IGF2BP1: variants seen among roughly 807,000 people sequenced by gnomAD.
The protein encoded by IGF2BP1 is insulin like growth factor 2 mRNA binding protein 1.
IGF2BP1 carries 11 observed loss-of-function variants against 74.9 expected under a neutral mutation model. That is an observed-to-expected ratio of 0.15 (90% confidence interval 0.09 to 0.24). The LOEUF is 0.24. IGF2BP1 is among the 10% of genes least tolerant of loss of function. IGF2BP1 has a pLI of 1.00. For missense variants in IGF2BP1, 440 were observed against 757.4 expected, an observed-to-expected ratio of 0.58 and a Z score of 4.92; for synonymous variants, 287 against 281.8, an observed-to-expected ratio of 1.02 and a Z score of -0.18.
At chr17:49,042,457 A>G in intron 9 of IGF2BP1, 80 bp downstream of exon 9, 1 of 1,506,122 alleles carries the variant, frequency 6.6e-7, no homozygotes, top group Non-Finnish European at 9.2e-7. Context: ...GGTGATGGAC[A>G]TGTGCCCTGT....
Position 49,044,993 on chromosome 17 carries a change from T to C in IGF2BP1, c.1323T>C (p.Ile441=), listed in dbSNP as rs1473840538. The C allele has an allele frequency of 1.2e-6, 2 of 1,614,078 alleles. No homozygotes were observed. Residue 441 remains isoleucine, a splice_region_variant and synonymous_variant, in exon 12 of 15, where the codon ATT becomes ATC. Transcript: ENST00000290341. ...LSRFASASIK[I]APPETPDSKV... Reference sequence around the variant, plus strand: ...TTGACTAGCTTTTTGCTTTTTAGATTGCACCACCCGAAACACCTGACTCCA... The same window carrying C: ...TTGACTAGCTTTTTGCTTTTTAGATCGCACCACCCGAAACACCTGACTCCA...
intron 2 of IGF2BP1, among the ~76,000 whole-genome samples, chr17:49,024,607 A>G (rs1312120194): frequency 6.6e-6 from 1 of 152,160 alleles, no homozygotes; most frequent in Non-Finnish European, 1.5e-5. Context: ...CCCTGTGGAA[A>G]GGTATTATCT....
intron 2 of IGF2BP1, among the ~76,000 whole-genome samples, chr17:49,005,415 T>C (rs1243903447): frequency 2.0e-5 from 3 of 152,160 alleles, no homozygotes; most frequent in Non-Finnish European, 4.4e-5. Flanking sequence ...AGCAAACAGC[T>C]CGATGATTAA....
chr17:49,009,196 T>C lies in IGF2BP1; in HGVS notation c.236+10027T>C, dbSNP rs371368294. On this transcript the variant is annotated intron_variant, in intron 2 of 14. Coordinates refer to ENST00000290341, the MANE Select transcript of IGF2BP1 (RefSeq NM_006546.4). Reference sequence around the variant, plus strand: ...GGTGTGCGCCAGCACCCCTGGCTAATTTTTGTATTTTTAGTGGAGATGGGG... The same window carrying C: ...GGTGTGCGCCAGCACCCCTGGCTAACTTTTGTATTTTTAGTGGAGATGGGG... Among the ~76,000 whole-genome samples, 9 of 151,894 alleles carry C rather than the reference T, an allele frequency of 5.9e-5. No homozygotes were observed. In the East Asian group the frequency reaches 1.6e-3, roughly 26 times the overall value.
In IGF2BP1 at chr17:48,997,625, G is replaced by T; in HGVS notation, c.-121G>T. On this transcript the variant is annotated 5_prime_UTR_variant, in exon 1 of 15. Transcript: ENST00000290341. The surrounding 1 kb of genome is among the most constrained non-coding windows in gnomAD (Gnocchi z 4.8). ...GGCTCGGGACAACTTCTGGGGTGGG[G>T]TGCAAAGAAAGTTTGCGGCTCCTGC... is the stretch of plus-strand genomic sequence containing the variant. The T allele has an allele frequency of 1.9e-6, 2 of 1,068,898 alleles. No homozygotes were observed. Among genetic ancestry groups the T allele is most frequent in the Non-Finnish European group, 2.7e-6 (2 of 742,100 alleles). The allele number at this position is 1,068,898 out of a possible 1,614,324, so 66.2% of individuals were successfully genotyped here.
intron 2 of IGF2BP1, among the ~76,000 whole-genome samples, chr17:49,022,537 C>T (rs774964443): frequency 1.4e-4 from 21 of 152,154 alleles, no homozygotes; most frequent in Admixed American, 3.3e-4. Context: ...GGGTGAGTCC[C>T]TGCTGGTTGG....
intron 4 of IGF2BP1, among the ~76,000 whole-genome samples, chr17:49,029,477 G>A (rs542447945): frequency 9.8e-5 from 15 of 152,304 alleles, no homozygotes; most frequent in African/African-American, 3.6e-4. Context: ...TCTTTGCACT[G>A]AAGTTTGTGA....
chr17:49,032,959 A>G (rs1237048806), intron 5 of IGF2BP1, among the ~76,000 whole-genome samples: 1 of 151,486 alleles, frequency 6.6e-6, no homozygotes, highest in Non-Finnish European at 1.5e-5. Flanking sequence ...GGGACTACAG[A>G]CATGCACCAT....
intron 14 of IGF2BP1, 24 bp from the exon 15 acceptor site, chr17:49,049,328 C>G (rs368317256): frequency 2.0e-5 from 32 of 1,611,328 alleles, no homozygotes; most frequent in South Asian, 5.5e-5. Flanking sequence ...CTCACACCCA[C>G]TCTCTTGCCT....
chr17:49,040,148 C>T (rs1275742911), intron 7 of IGF2BP1, 57 bp downstream of exon 7: 2 of 1,586,934 alleles, frequency 1.3e-6, no homozygotes, highest in Non-Finnish European at 1.7e-6. Flanking sequence ...TGAGCCTCCC[C>T]AACTCAACTT....
intron 9 of IGF2BP1, among the ~76,000 whole-genome samples, chr17:49,042,861 T>C (rs545744129): frequency 1.3e-5 from 2 of 152,176 alleles, no homozygotes; most frequent in African/African-American, 4.8e-5. Context: ...TAAAATTTTA[T>C]TTTTTGGAAA....
intron 10 of IGF2BP1, among the ~76,000 whole-genome samples, 198 bp downstream of exon 10, chr17:49,043,748 G>T (rs2042078668): frequency 6.6e-6 from 1 of 152,128 alleles, no homozygotes; most frequent in Admixed American, 6.5e-5. Context: ...AATGCTCCCG[G>T]GGCATAGACA....
intron 4 of IGF2BP1, among the ~76,000 whole-genome samples, chr17:49,030,504 G>A (rs1190626218): frequency 6.6e-6 from 1 of 152,186 alleles, no homozygotes; most frequent in Non-Finnish European, 1.5e-5. Flanking sequence ...TAGGCCTCTA[G>A]AATGGATTTA....
intron 2 of IGF2BP1, among the ~76,000 whole-genome samples, chr17:49,020,958 G>A (rs1436291372): frequency 7.4e-6 from 1 of 134,438 alleles, no homozygotes; most frequent in East Asian, 2.1e-4. Context: ...GTGAGGCCCC[G>A]TCTCTACAAA....
Position 49,044,999 on chromosome 17 carries a change from A to G in IGF2BP1, c.1329A>G (p.Pro443=). 1 of 1,613,994 alleles carries G rather than the reference A, an allele frequency of 6.2e-7. No homozygotes were observed. Among genetic ancestry groups the G allele is most frequent in the Non-Finnish European group, 8.5e-7 (1 of 1,179,948 alleles). ...AGCTTTTTGCTTTTTAGATTGCACCACCCGAAACACCTGACTCCAAAGTTC... is the reference window on the plus strand; with the variant it reads ...AGCTTTTTGCTTTTTAGATTGCACCGCCCGAAACACCTGACTCCAAAGTTC... ...RFASASIKIA[P]PETPDSKVRM... The change falls in exon 12 of 15, where the codon CCA becomes CCG. Residue 443 remains proline (P), a synonymous_variant. Transcript: ENST00000290341.
chr17:49,010,037 G>A (rs907927238), intron 2 of IGF2BP1, among the ~76,000 whole-genome samples: 14 of 150,996 alleles, frequency 9.3e-5, no homozygotes, highest in Non-Finnish European at 1.8e-4. Flanking sequence ...CCGAGATTGC[G>A]CCACTGCACT....
intron 2 of IGF2BP1, chr17:49,004,855 G>GA (rs2041530167): frequency 6.6e-6 from 1 of 152,138 alleles, no homozygotes; most frequent in Non-Finnish European, 1.5e-5. Flanking sequence ...CTGTACTCAA[G>GA]AAAGTGTATG....
chr17:49,013,266 C>A (rs910182079), intron 2 of IGF2BP1, among the ~76,000 whole-genome samples: 1 of 152,160 alleles, frequency 6.6e-6, no homozygotes, highest in Non-Finnish European at 1.5e-5. Context: ...AGTATGACTT[C>A]TATTGTGACT....
chr17:49,022,947 T>TGA (rs2041810369), intron 2 of IGF2BP1, among the ~76,000 whole-genome samples: 1 of 152,240 alleles, frequency 6.6e-6, no homozygotes, highest in South Asian at 2.1e-4. Flanking sequence ...AGTGTTCCCT[T>TGA]GAGGGAGGTC....
Sources: gnomAD v4.1 joint callset for allele counts (sites outside exome capture counted in the v4.1 genomes callset) on GRCh38, gnomAD v4.1.1 for gene constraint, Gnocchi (gnomAD v3.1) non-coding constraint, MANE v1.5 for transcripts, NCBI Gene and HGNC (gene_info 2026-07-23, HGNC 2026-07-21) for gene names.